SRCAP: variants seen among roughly 807,000 people sequenced by gnomAD.
The protein encoded by SRCAP is chromatin remodeling protein SRCAP.
Under a neutral mutation model 263.1 loss-of-function variants are expected in SRCAP, and 46 were observed. That is an observed-to-expected ratio of 0.17 (90% CI 0.14 to 0.22). The LOEUF is 0.22. Ranked by LOEUF, SRCAP falls within the 10% of genes least tolerant of loss-of-function variation. The pLI, the probability that SRCAP is intolerant of heterozygous loss-of-function variation, is 1.00. For synonymous variants in SRCAP, 1,813 were observed against 1,662.1 expected (o/e 1.09, Z -2.21); for missense variants, 3,695 against 4,181.9 (o/e 0.88, Z 3.21).
intron 3 of SRCAP, among the ~76,000 whole-genome samples, chr16:30,702,352 C>A (rs948848599): frequency 5.3e-5 from 8 of 151,962 alleles, no homozygotes; most frequent in African/African-American, 1.9e-4. Flanking sequence ...CCTGCCTCAG[C>A]CTCTTGAGTA....
chr16:30,730,338 C>CGCTTAAACCACAAGAGCATTT (rs11268096), intron 27 of SRCAP, among the ~76,000 whole-genome samples: 147,682 of 152,260 alleles, frequency 0.97, 71,749 homozygotes, highest in Middle Eastern at 1. Context: ...AACTAACAGT[C>CGCTTAAACCACAAGAGCATTT]ATTGTTTTCT....
chr16:30,729,732 GC>G (rs1372878489), intron 27 of SRCAP, among the ~76,000 whole-genome samples, 160 bp downstream of exon 27: 2 of 152,264 alleles, frequency 1.3e-5, no homozygotes, highest in East Asian at 3.9e-4. Flanking sequence ...AGAAATGTAA[GC>G]CTTGTTAGAT....
chr16:30,712,655 A>G (rs753877516), intron 13 of SRCAP, 24 bp from the exon 14 acceptor site: 6 of 1,613,694 alleles, frequency 3.7e-6, no homozygotes, highest in South Asian at 1.1e-5. Context: ...TTTCCTTACC[A>G]TCTCTGATTT....
In SRCAP at chr16:30,707,688, G is replaced by A. The variant is rs1337712370; in HGVS notation, c.609G>A (p.Arg203=). The A allele has an allele frequency of 2.5e-6, 4 of 1,614,082 alleles. No homozygotes were observed. Among genetic ancestry groups the A allele is most frequent in the Middle Eastern group, 3.3e-4 (2 of 6,084 alleles). The change falls in exon 6 of 34, where the codon AGG becomes AGA. Residue 203 remains arginine, a synonymous_variant. Transcript: ENST00000262518. The part of the protein sequence containing the change: ...RIASTMAKDV[R]QFWSNVEKVV... ...CTTCCACCATGGCCAAGGATGTCAG[G>A]CAGTTCTGGAGCAATGTGGAGAAGG...
chr16:30,725,208 C>T (rs892072468), intron 25 of SRCAP, 126 bp downstream of exon 25: 3 of 1,458,202 alleles, frequency 2.1e-6, no homozygotes, highest in Non-Finnish European at 2.7e-6. Flanking sequence ...GGACCAAGTA[C>T]TTGAGTGACA....
intron 30 of SRCAP, 142 bp downstream of exon 30, chr16:30,734,150 C>T: frequency 2.7e-6 from 2 of 747,074 alleles, no homozygotes; most frequent in Non-Finnish European, 4.3e-6. Context: ...GGAGACCAGG[C>T]TGGCCAACAT....
At position 30,710,989 on chromosome 16, in the gene SRCAP, T is replaced by C. The variant is rs764522113; in HGVS notation, c.1229-10T>C. 2 of 1,613,224 alleles carry C rather than the reference T, an allele frequency of 1.2e-6. No homozygotes were observed. The highest frequency in any genetic ancestry group is 2.2e-5 in the East Asian group (1 of 44,880). ...TATCCCTATTAATCTTGCTTCTGTC[T>C]CTTTCCTAGCGGAGGATGAAGAGGA... On this transcript the variant is annotated splice_polypyrimidine_tract_variant and intron_variant, in intron 9 of 33. Coordinates refer to ENST00000262518, the MANE Select transcript of SRCAP (RefSeq NM_006662.3).
At chr16:30,704,350 A>G in intron 4 of SRCAP, 35 bp downstream of exon 4, 1 of 1,545,860 alleles carries the variant, frequency 6.5e-7, no homozygotes, top group East Asian at 2.3e-5. Context: ...GATTCTTGGG[A>G]GTTATCTTCC....
At chr16:30,721,034 C>G in intron 20 of SRCAP, 56 bp downstream of exon 20, 1 of 1,554,814 alleles carries the variant, frequency 6.4e-7, no homozygotes, top group South Asian at 1.2e-5. Context: ...GTTGTTCAGA[C>G]TGAGGAGGAA....
rs758394442 is a variant in SRCAP at position 30,710,079 on chromosome 16, G to A, written c.1085G>A (p.Arg362Gln). The change falls in exon 8 of 34, where the codon CGA (arginine) becomes CAA (glutamine). Residue 362 changes from arginine to glutamine, a missense_variant. Around this residue, in one of 12 missense-constraint regions of SRCAP, gnomAD observed 288 missense variants for 302.4 expected, o/e 0.95. Transcript: ENST00000262518. Reference sequence around the variant, plus strand: ...CCCTCATCTCATGATAGTGACACCCGAGATGGGCCTGAAGAAGGTGCTGAA... The same window carrying A: ...CCCTCATCTCATGATAGTGACACCCAAGATGGGCCTGAAGAAGGTGCTGAA... ...QTPSSHDSDT[R>Q]DGPEEGAEEE... 13 of 1,614,014 alleles carry A rather than the reference G, an allele frequency of 8.1e-6. No individual in the cohort carries two copies. The highest frequency in any genetic ancestry group is 5.0e-5 in the Admixed American group (3 of 59,994).
chr16:30,707,388 T>C lies in SRCAP; in HGVS notation c.492+20T>C. ...CGGAAGGTAGGTCTTCCGCTGGGAC[T>C]TCCTTCCTTTTCCTTTTCAGGTCTG... On this transcript the variant is annotated intron_variant, in intron 5 of 33. Coordinates refer to ENST00000262518, the MANE Select transcript of SRCAP (RefSeq NM_006662.3). 1.2e-6 allele frequency: 2 copies of C among 1,611,290 alleles called. No individual in the cohort carries two copies. The highest frequency in any genetic ancestry group is 2.2e-5 in the South Asian group (2 of 90,952).
chr16:30,722,184 G>C lies in SRCAP; in HGVS notation c.3604G>C (p.Gly1202Arg). Reference protein sequence around the residue: ...SLAQRPVANAGGSKPLTFQIQ... With the variant: ...SLAQRPVANARGSKPLTFQIQ... ...GGCACAACGTCCAGTGGCTAATGCAGGGGGAAGCAAACCTCTCACCTTCCA... is the reference window on the plus strand; with the variant it reads ...GGCACAACGTCCAGTGGCTAATGCACGGGGAAGCAAACCTCTCACCTTCCA... Residue 1202 changes from glycine to arginine, a missense_variant, in exon 22 of 34, where the codon GGG becomes CGG. Gly to Arg is a moderately radical substitution (Grantham distance 125). Around this residue, in one of 12 missense-constraint regions of SRCAP, gnomAD observed 1,347 missense variants for 1,304.4 expected, o/e 1.03. Transcript: ENST00000262518. 6.2e-7 allele frequency: 1 copy of C among 1,614,174 alleles called. No homozygotes were observed. Among genetic ancestry groups the C allele is most frequent in the Non-Finnish European group, 8.5e-7 (1 of 1,180,038 alleles).
chr16:30,738,941 GCCACCC>G lies in SRCAP; in HGVS notation c.8906_8911del (p.Pro2969_Pro2970del), dbSNP rs2053191002. 6.8e-6 allele frequency: 11 copies of G among 1,613,920 alleles called. No homozygotes were observed. The East Asian group carries it at 2.5e-4, about 36-fold the overall frequency. On this transcript the variant is annotated inframe_deletion, in exon 34 of 34. Transcript: ENST00000262518. ...ATGGCAACTCCGAAAGTCGGACACA[GCCACCC>G]CCACACCCATCACCCCTAACCCCAC...
chr16:30,734,798 A>C (rs951207447), intron 31 of SRCAP, among the ~76,000 whole-genome samples, 183 bp downstream of exon 31: 2 of 152,316 alleles, frequency 1.3e-5, no homozygotes, highest in Admixed American at 1.3e-4. Context: ...GGAAAAAAAA[A>C]CAGGATTTTG....
In SRCAP at chr16:30,737,192, G is replaced by A; in HGVS notation, c.7152G>A (p.Lys2384=). ...TGGGTHRRSK[K]AKAPERPGTR... The stretch of plus-strand genomic sequence containing the variant: ...GAGGCACCCACCGGCGCAGTAAAAA[G>A]GCCAAAGCCCCTGAGAGGCCGGGGA... Residue 2384 remains lysine (K), a synonymous_variant, in exon 34 of 34, where the codon AAG becomes AAA. Coordinates refer to ENST00000262518, the MANE Select transcript of SRCAP (RefSeq NM_006662.3). The A allele has an allele frequency of 6.2e-7, 1 of 1,614,062 alleles. No homozygotes were observed. Among genetic ancestry groups the A allele is most frequent in the Non-Finnish European group, 8.5e-7 (1 of 1,180,004 alleles).
At chr16:30,720,459 G>T in intron 19 of SRCAP, 128 bp downstream of exon 19, 1 of 1,180,136 alleles carries the variant, frequency 8.5e-7, no homozygotes. Flanking sequence ...GGGTGCAAAC[G>T]TGGAGGGAAT....
chr16:30,715,657 G>C (rs1441293792), intron 16 of SRCAP, among the ~76,000 whole-genome samples: 1 of 151,254 alleles, frequency 6.6e-6, no homozygotes, highest in East Asian at 1.9e-4. Flanking sequence ...TGTCACTGTA[G>C]ACATTGATGA....
chr16:30,702,061 C>T (rs1241640255), intron 3 of SRCAP, among the ~76,000 whole-genome samples: 1 of 151,650 alleles, frequency 6.6e-6, no homozygotes, highest in Non-Finnish European at 1.5e-5. Flanking sequence ...TCAAACAATT[C>T]TTCTGCCTCA....
At position 30,733,188 on chromosome 16, in the gene SRCAP, T is replaced by C; in HGVS notation, c.6128-92T>C. ...CTAATTGAAACTTTGGCTTAAAGCA[T>C]TGATTATCTTTCAACCCCAGCCTTG... On this transcript the variant is annotated intron_variant, in intron 27 of 33. Transcript: ENST00000262518. The surrounding 1 kb of genome is among the most constrained non-coding windows in gnomAD (Gnocchi z 5.3). 3 of 1,430,690 alleles carry C rather than the reference T, an allele frequency of 2.1e-6. 1 individual carries two copies. In the Admixed American group the frequency reaches 6.0e-5, roughly 28 times the overall value. The allele number at this position is 1,430,690 out of a possible 1,614,324, so 88.6% of individuals were successfully genotyped here.
Sources: allele counts gnomAD v4.1 joint callset (sites outside exome capture counted in the v4.1 genomes callset), GRCh38; gene constraint gnomAD v4.1.1; regional missense constraint gnomAD v4.1.1; non-coding constraint Gnocchi (gnomAD v3.1); transcripts MANE v1.5; gene names NCBI Gene and HGNC (gene_info 2026-07-23, HGNC 2026-07-21).